Variants in TTBK2 observed in about 807,000 individuals in gnomAD.
The protein encoded by TTBK2 is tau tubulin kinase 2.
A neutral mutation model predicts 110.8 loss-of-function variants in TTBK2; 28 were observed. The ratio of observed to expected loss-of-function variants is 0.25; its 90% CI spans 0.19 to 0.35. TTBK2 has a LOEUF of 0.35. Among genes scored for constraint, TTBK2 ranks in the 10% least tolerant of loss-of-function variants. TTBK2 has a pLI of 1.00. For synonymous variants in TTBK2, 532 were observed against 527.3 expected (o/e 1.01, Z -0.12); for missense variants, 1,369 against 1,500.3 (o/e 0.91, Z 1.45).
chr15:42,751,834 A>T, intron 14 of TTBK2, 140 bp downstream of exon 14: 1 of 996,994 alleles, frequency 1.0e-6, no homozygotes, highest in Non-Finnish European at 1.6e-6. Context: ...CTACTGCACT[A>T]GGCTGTAAGG....
intron 11 of TTBK2, among the ~76,000 whole-genome samples, chr15:42,780,769 C>A (rs950435478): frequency 6.6e-6 from 1 of 152,048 alleles, no homozygotes; most frequent in African/African-American, 2.4e-5. Flanking sequence ...AGTTCGAGAC[C>A]ATCCTGGCCA....
intron 1 of TTBK2, among the ~76,000 whole-genome samples, chr15:42,892,847 T>C (rs1374402118): frequency 3.4e-5 from 5 of 148,096 alleles, no homozygotes; most frequent in South Asian, 2.2e-4. Context: ...CTGTCTCTAC[T>C]AAAAATACAA....
At chr15:42,905,470 T>C (rs1397903486) in intron 1 of TTBK2, among the ~76,000 whole-genome samples, 1 of 151,996 alleles carries the variant, frequency 6.6e-6, no homozygotes, top group African/African-American at 2.4e-5. Context: ...TTGCCCAGGC[T>C]GGTCTCAAAC....
upstream of TTBK2, chr15:42,920,779 A>T: frequency 6.5e-6 from 1 of 153,496 alleles, no homozygotes; most frequent in Non-Finnish European, 1.5e-5. Flanking sequence ...CGACTACTGC[A>T]GAGCCCGCTG....
rs926732528 is a variant in TTBK2 at position 42,920,683 on chromosome 15, C to T, written c.-313G>A. 4.2e-4 allele frequency: 66 copies of T among 156,746 alleles called. No homozygotes were observed. Among genetic ancestry groups the T allele is most frequent in the Non-Finnish European group, 6.1e-4 (43 of 71,008 alleles). The allele number at this position is 156,746 out of a possible 1,614,324, so 9.7% of individuals were successfully genotyped here. ...TGCTGTTACTGCTGCTGCCGGCTCC[C>T]CCAAGCCGCTGCTCTTGTGCCAGCA... is the stretch of plus-strand genomic sequence containing the variant. On this transcript the variant is annotated 5_prime_UTR_variant, in exon 1 of 15. Transcript: ENST00000267890.
intron 14 of TTBK2, among the ~76,000 whole-genome samples, chr15:42,748,831 G>A (rs2061829239): frequency 1.3e-5 from 2 of 152,176 alleles, no homozygotes; most frequent in South Asian, 2.1e-4. Context: ...ATAGCATGCA[G>A]TATATACTAA....
chr15:42,802,450 TGGA>T (rs1230909232), intron 9 of TTBK2: 2 of 684,144 alleles, frequency 2.9e-6, no homozygotes, highest in Non-Finnish European at 5.4e-6. Context: ...CCAGAAGGAG[TGGA>T]GAAGCTGCTT....
chr15:42,771,450 A>G (rs545315315), intron 13 of TTBK2, among the ~76,000 whole-genome samples: 1 of 152,366 alleles, frequency 6.6e-6, no homozygotes, highest in African/African-American at 2.4e-5. Context: ...TTAACTGTTT[A>G]GATGTAACTT....
intron 1 of TTBK2, among the ~76,000 whole-genome samples, chr15:42,903,148 A>G (rs182614063): frequency 1.3e-5 from 2 of 152,176 alleles, no homozygotes; most frequent in African/African-American, 2.4e-5. Context: ...CCTTAAAGAC[A>G]TCACACTAAG....
At chr15:42,815,893 AATAT>A (rs68075114) in intron 7 of TTBK2, among the ~76,000 whole-genome samples, 5 of 102,184 alleles carry the variant, frequency 4.9e-5, no homozygotes, top group Non-Finnish European at 7.1e-5. Context: ...TATATTTAAA[AATAT>A]ATATATATAT....
chr15:42,794,861 T>C (rs564956723), intron 9 of TTBK2, 60 bp from the exon 10 acceptor site: 1 of 1,598,138 alleles, frequency 6.3e-7, no homozygotes, highest in Non-Finnish European at 8.6e-7. Context: ...CTTTATTCTA[T>C]AAGAGAAAGC....
intron 4 of TTBK2, among the ~76,000 whole-genome samples, chr15:42,834,849 A>T (rs1595964809): frequency 6.6e-6 from 1 of 152,156 alleles, no homozygotes; most frequent in African/African-American, 2.4e-5. Context: ...TGCACTCCAG[A>T]CTGGGCAACA....
chr15:42,829,933 C>G lies in TTBK2; in HGVS notation c.432+5G>C, dbSNP rs1892680840. The G allele has an allele frequency of 6.2e-7, 1 of 1,613,762 alleles. No homozygotes were observed. The highest frequency in any genetic ancestry group is 8.5e-7 in the Non-Finnish European group (1 of 1,179,956). The stretch of plus-strand genomic sequence containing the variant: ...TTCTGTGCTCTGGATAGAAAAGGTC[C>G]CTACCGGTTTGATGTCTCGATGCAA... On this transcript the variant is annotated splice_donor_5th_base_variant and intron_variant, in intron 5 of 14. Transcript: ENST00000267890.
At chr15:42,904,374 TG>T in intron 1 of TTBK2, among the ~76,000 whole-genome samples, 1 of 152,150 alleles carries the variant, frequency 6.6e-6, no homozygotes, top group East Asian at 1.9e-4. Context: ...GTACCAATAT[TG>T]CCAAGAATTA....
intron 1 of TTBK2, among the ~76,000 whole-genome samples, chr15:42,903,523 T>C (rs941964165): frequency 3.3e-5 from 5 of 152,240 alleles, no homozygotes; most frequent in Non-Finnish European, 7.3e-5. Flanking sequence ...TAATTTTCAC[T>C]ATCTCACTCT....
At chr15:42,808,012 G>A (rs1891547483) in intron 9 of TTBK2, among the ~76,000 whole-genome samples, 1 of 152,162 alleles carries the variant, frequency 6.6e-6, no homozygotes. Flanking sequence ...AGACATGGCT[G>A]TTTCTCCAGG....
intron 3 of TTBK2, among the ~76,000 whole-genome samples, chr15:42,841,738 GATAAA>G (rs1893230500): frequency 6.6e-6 from 1 of 152,104 alleles, no homozygotes; most frequent in Non-Finnish European, 1.5e-5. Context: ...ATTAGAGATA[GATAAA>G]ATAAGATAAA....
intron 3 of TTBK2, among the ~76,000 whole-genome samples, chr15:42,845,040 T>A (rs1267186353): frequency 6.6e-6 from 1 of 152,154 alleles, no homozygotes; most frequent in Non-Finnish European, 1.5e-5. Flanking sequence ...CTGCTATGGA[T>A]ATAAAGAAGA....
chr15:42,913,902 T>C (rs1365168696), intron 1 of TTBK2, among the ~76,000 whole-genome samples: 1 of 151,908 alleles, frequency 6.6e-6, no homozygotes, highest in Non-Finnish European at 1.5e-5. Context: ...TCTATGATCT[T>C]CCCACTAACA....
Sources: allele counts gnomAD v4.1 joint callset (sites outside exome capture counted in the v4.1 genomes callset), GRCh38; gene constraint gnomAD v4.1.1; transcripts MANE v1.5; gene names NCBI Gene and HGNC (gene_info 2026-07-23, HGNC 2026-07-21).